Variants in TMPRSS7 observed in about 807,000 individuals in gnomAD.
TMPRSS7 encodes the protein transmembrane protease serine 7.
A neutral mutation model predicts 95.6 loss-of-function variants in TMPRSS7; 81 were observed. That is an observed-to-expected ratio of 0.85 (90% confidence interval 0.71 to 1.02). The LOEUF (loss-of-function observed/expected upper bound fraction) is 1.02, where lower values mean the gene tolerates loss of function less well. Among genes scored for constraint, TMPRSS7 ranks in the 50% least tolerant of loss-of-function variants. The pLI, the probability that TMPRSS7 is intolerant of heterozygous loss-of-function variation, is 0.00. For missense variants in TMPRSS7, 945 were observed against 955.2 expected (o/e 0.99, Z 0.14); for synonymous variants, 364 against 337.8 (o/e 1.08, Z -0.85).
chr3:112,055,157 G>A (rs183663114), intron 9 of TMPRSS7, among the ~76,000 whole-genome samples: 1 of 152,210 alleles, frequency 6.6e-6, no homozygotes, highest in East Asian at 1.9e-4. Flanking sequence ...TTCCGATTGA[G>A]CCCCCCATGT....
At chr3:112,078,930 C>T (rs1377315015) in intron 17 of TMPRSS7, 52 bp downstream of exon 17, 3 of 1,593,856 alleles carry the variant, frequency 1.9e-6, no homozygotes, top group Non-Finnish European at 2.6e-6. Context: ...TCCATAAATG[C>T]TTTCTCACTT....
chr3:112,047,491 T>C (rs1171070290), intron 6 of TMPRSS7: 1 of 628,570 alleles, frequency 1.6e-6, no homozygotes, highest in Non-Finnish European at 3.0e-6. Flanking sequence ...TTGGCCAGCC[T>C]GGGTTATGTG....
exon 3 of TMPRSS7, chr3:112,041,988 C>G (rs771339643): frequency 1.3e-6 from 2 of 1,551,610 alleles, no homozygotes; most frequent in South Asian, 1.2e-5. Flanking sequence ...TGAGTTTCTT[C>G]CCGAATACCG....
chr3:112,069,263 C>T (rs1056539051), intron 13 of TMPRSS7, among the ~76,000 whole-genome samples: 8 of 152,186 alleles, frequency 5.3e-5, no homozygotes, highest in Non-Finnish European at 7.3e-5. Flanking sequence ...CAATGTTCAT[C>T]TGGGGTATTG....
At chr3:112,053,642 T>C (rs2073393531) in intron 9 of TMPRSS7, among the ~76,000 whole-genome samples, 1 of 152,218 alleles carries the variant, frequency 6.6e-6, no homozygotes, top group Admixed American at 6.5e-5. Flanking sequence ...TATTTGCCCT[T>C]CAAAACACAC....
At chr3:112,055,217 A>C (rs116042595) in intron 9 of TMPRSS7, among the ~76,000 whole-genome samples, 2,246 of 152,212 alleles carry the variant, frequency 0.015, 53 homozygotes, top group African/African-American at 0.051. Context: ...CTTCAGAGAC[A>C]TGCAGGGCTG....
At chr3:112,046,020 G>A in intron 5 of TMPRSS7, 77 bp downstream of exon 5, 1 of 1,259,412 alleles carries the variant, frequency 7.9e-7, no homozygotes, top group Non-Finnish European at 1.1e-6. Flanking sequence ...AGTCAACATT[G>A]TAATGAAGCA....
chr3:112,074,248 G>A, intron 13 of TMPRSS7, 48 bp from the exon 14 acceptor site: 3 of 1,358,318 alleles, frequency 2.2e-6, no homozygotes, highest in Non-Finnish European at 3.2e-6. Context: ...ATTCACTCAA[G>A]TTTGTTTCTG....
At chr3:112,037,581 T>C (rs940376775) in intron 1 of TMPRSS7, among the ~76,000 whole-genome samples, 2 of 152,198 alleles carry the variant, frequency 1.3e-5, no homozygotes, top group Non-Finnish European at 2.9e-5. Flanking sequence ...TTATTGCCTT[T>C]GAAGCACGTG....
intron 13 of TMPRSS7, among the ~76,000 whole-genome samples, chr3:112,070,825 C>T (rs1018539802): frequency 2.0e-5 from 3 of 152,272 alleles, no homozygotes; most frequent in South Asian, 4.1e-4. Flanking sequence ...GTGTGCACAA[C>T]GTGCAGGTTT....
At chr3:112,069,283 T>C (rs1465556645) in intron 13 of TMPRSS7, among the ~76,000 whole-genome samples, 2 of 152,076 alleles carry the variant, frequency 1.3e-5, no homozygotes, top group Non-Finnish European at 2.9e-5. Context: ...GGTCTAAAAT[T>C]CTCTTTTTTT....
At chr3:112,058,244 C>T (rs2073456231) in intron 10 of TMPRSS7, among the ~76,000 whole-genome samples, 1 of 152,190 alleles carries the variant, frequency 6.6e-6, no homozygotes, top group South Asian at 2.1e-4. Flanking sequence ...GTCCTGTCTT[C>T]ATTGGAATAG....
chr3:112,063,176 T>G (rs145320507), intron 11 of TMPRSS7, among the ~76,000 whole-genome samples: 2 of 152,250 alleles, frequency 1.3e-5, no homozygotes, highest in Non-Finnish European at 2.9e-5. Flanking sequence ...ACATTAGGAA[T>G]GCTGGGCTCC....
At chr3:112,074,465 G>GT (rs2073689474) in intron 14 of TMPRSS7, 53 bp downstream of exon 14, 8 of 1,387,088 alleles carry the variant, frequency 5.8e-6, no homozygotes, top group Non-Finnish European at 7.0e-6. Context: ...CAGTTTACCT[G>GT]TTTGTTATAT....
chr3:112,058,405 T>C (rs1429944772), intron 10 of TMPRSS7, among the ~76,000 whole-genome samples: 1 of 152,210 alleles, frequency 6.6e-6, no homozygotes, highest in East Asian at 1.9e-4. Context: ...CTACATTAAC[T>C]AGGGCAAATT....
chr3:112,034,919 C>T (rs1286512947), intron 1 of TMPRSS7, 26 bp downstream of exon 1: 1 of 702,766 alleles, frequency 1.4e-6, no homozygotes, highest in South Asian at 1.5e-5. Context: ...GAAACTTTCT[C>T]TTACTTGAAT....
chr3:112,073,341 G>C (rs113507951), intron 13 of TMPRSS7, among the ~76,000 whole-genome samples: 1 of 151,870 alleles, frequency 6.6e-6, no homozygotes, highest in South Asian at 2.1e-4. Flanking sequence ...CAATCCACCC[G>C]CCTCAGCCTC....
intron 14 of TMPRSS7, among the ~76,000 whole-genome samples, chr3:112,074,653 T>C (rs2073691100): frequency 6.6e-6 from 1 of 152,206 alleles, no homozygotes; most frequent in African/African-American, 2.4e-5. Flanking sequence ...AACTTTCACT[T>C]TTTAATAATT....
chr3:112,044,420 T>TA, intron 4 of TMPRSS7, 98 bp downstream of exon 4: 2 of 1,040,942 alleles, frequency 1.9e-6, no homozygotes, highest in Non-Finnish European at 2.9e-6. Flanking sequence ...CCAAGTAACT[T>TA]CTTGGAAGTG....
Sources: allele counts gnomAD v4.1 joint callset (sites outside exome capture counted in the v4.1 genomes callset), GRCh38; gene constraint gnomAD v4.1.1; transcripts MANE v1.5; gene names NCBI Gene and HGNC (gene_info 2026-07-23, HGNC 2026-07-21).